Variants in ELFN1 observed in about 807,000 individuals in gnomAD.
ELFN1 encodes extracellular leucine rich repeat and fibronectin type III domain containing 1.
ELFN1 carries 6 observed loss-of-function variants against 7.6 expected under a neutral mutation model. The observed-to-expected ratio is 0.79, with a 90% CI of 0.43 to 1.56. ELFN1 has a LOEUF of 1.56. Among genes scored for constraint, ELFN1 ranks in the 40% most tolerant of loss-of-function variants. ELFN1 has a pLI of 0.01. For synonymous variants in ELFN1, 657 were observed against 588.1 expected (o/e 1.12, Z -1.70); for missense variants, 1,169 against 1,232.2 (o/e 0.95, Z 0.77).
At chr7:1,679,385 G>C (rs1019172342) in intron 1 of ELFN1, among the ~76,000 whole-genome samples, 1 of 152,182 alleles carries the variant, frequency 6.6e-6, no homozygotes, top group Non-Finnish European at 1.5e-5. Context: ...AAGCCTGGGG[G>C]TGCCTGGCCT....
intron 1 of ELFN1, among the ~76,000 whole-genome samples, chr7:1,682,099 T>TCC (rs1778984609): frequency 6.6e-6 from 1 of 152,222 alleles, no homozygotes; most frequent in Non-Finnish European, 1.5e-5. Flanking sequence ...AGCACAGACA[T>TCC]TTTTTAACTT....
upstream of ELFN1, among the ~76,000 whole-genome samples, chr7:1,666,413 G>C (rs1351166249): frequency 1.3e-5 from 2 of 151,830 alleles, no homozygotes; most frequent in African/African-American, 4.8e-5. This position sits in a 1 kb window ranked among gnomAD's most constrained non-coding sequence, Gnocchi z 7.9. Flanking sequence ...CTCTGGATGC[G>C]GCGCTCGGGG....
intron 3 of ELFN1, among the ~76,000 whole-genome samples, chr7:1,719,233 C>A (rs1201002118): frequency 6.8e-6 from 1 of 146,622 alleles, no homozygotes; most frequent in Non-Finnish European, 1.5e-5. Flanking sequence ...AGGACCCAAG[C>A]CACCAACAGG....
At chr7:1,726,441 C>T (rs1011696448) in intron 3 of ELFN1, among the ~76,000 whole-genome samples, 10 of 152,238 alleles carry the variant, frequency 6.6e-5, no homozygotes, top group Non-Finnish European at 1.5e-4. Context: ...GCTGGCGGCA[C>T]GCTCAGCCCA....
At chr7:1,715,263 G>A (rs188592756) in intron 3 of ELFN1, among the ~76,000 whole-genome samples, 3 of 152,258 alleles carry the variant, frequency 2.0e-5, no homozygotes, top group Non-Finnish European at 4.4e-5. Flanking sequence ...ACCTTGTCCT[G>A]GTGGTATTCA....
chr7:1,682,746 G>A (rs1778995701), intron 1 of ELFN1, among the ~76,000 whole-genome samples: 1 of 151,642 alleles, frequency 6.6e-6, no homozygotes, highest in South Asian at 2.1e-4. Flanking sequence ...TGCACTAACT[G>A]GAACTTTCAG....
At chr7:1,722,242 C>T (rs1245853553) in intron 3 of ELFN1, among the ~76,000 whole-genome samples, 3 of 151,326 alleles carry the variant, frequency 2.0e-5, no homozygotes, top group Non-Finnish European at 2.9e-5. Flanking sequence ...GTCATCCTCA[C>T]AGCTAGCCCA....
intron 1 of ELFN1, among the ~76,000 whole-genome samples, chr7:1,675,708 G>C (rs138182127): frequency 6.6e-6 from 1 of 152,328 alleles, no homozygotes; most frequent in South Asian, 2.1e-4. Context: ...GCAGGGAGAG[G>C]GCTTTGCAGA....
chr7:1,704,937 G>A (rs77184524), intron 2 of ELFN1, among the ~76,000 whole-genome samples: 21,978 of 152,114 alleles, frequency 0.14, 1,816 homozygotes, highest in African/African-American at 0.22. Flanking sequence ...GCGTGTCCCC[G>A]TCAGAATGTG....
chr7:1,708,016 C>G (rs1023808980), intron 2 of ELFN1, among the ~76,000 whole-genome samples: 28 of 152,192 alleles, frequency 1.8e-4, no homozygotes, highest in African/African-American at 5.8e-4. Flanking sequence ...ACCAACCCCC[C>G]GCCTCTGCAC....
intron 1 of ELFN1, among the ~76,000 whole-genome samples, chr7:1,676,011 A>G (rs748069454): frequency 1.3e-5 from 2 of 152,196 alleles, no homozygotes; most frequent in East Asian, 1.9e-4. Context: ...TGGCCCCCGC[A>G]CTGGTCAGAG....
At chr7:1,718,643 G>A (rs867267370) in intron 3 of ELFN1, among the ~76,000 whole-genome samples, 3 of 152,272 alleles carry the variant, frequency 2.0e-5, no homozygotes, top group South Asian at 2.1e-4. Context: ...ACAGTAGGGC[G>A]GACCAGGATG....
chr7:1,726,426 C>T (rs1486442434), intron 3 of ELFN1, among the ~76,000 whole-genome samples: 1 of 152,262 alleles, frequency 6.6e-6, no homozygotes, highest in Non-Finnish European at 1.5e-5. Flanking sequence ...CCCGCTCAGA[C>T]ATATGCTGGC....
upstream of ELFN1, among the ~76,000 whole-genome samples, chr7:1,670,160 A>AGGGAGGGAGGGAAGGG (rs1778734480): frequency 5.8e-5 from 1 of 17,254 alleles, no homozygotes; most frequent in Non-Finnish European, 1.1e-4. This position sits in a 1 kb window ranked among gnomAD's most constrained non-coding sequence, Gnocchi z 6.4. Flanking sequence ...AGAAGGAGGG[A>AGGGAGGGAGGGAAGGG]GGGAGGGAGG....
At chr7:1,703,745 T>TG (rs1779474721) in intron 2 of ELFN1, among the ~76,000 whole-genome samples, 1 of 152,228 alleles carries the variant, frequency 6.6e-6, no homozygotes, top group African/African-American at 2.4e-5. Flanking sequence ...ACAATCCTAC[T>TG]GGCAGCCTCT....
chr7:1,671,658 T>C (rs1232073559), intron 1 of ELFN1, among the ~76,000 whole-genome samples: 3 of 152,248 alleles, frequency 2.0e-5, no homozygotes, highest in African/African-American at 7.2e-5. Flanking sequence ...GGGTTGGGCA[T>C]AGGTTGCTTG....
intron 1 of ELFN1, among the ~76,000 whole-genome samples, chr7:1,684,967 A>C (rs1779038743): frequency 6.6e-6 from 1 of 152,314 alleles, no homozygotes; most frequent in East Asian, 1.9e-4. Flanking sequence ...CTTTCTGTGA[A>C]TTTGAATTAC....
At chr7:1,743,178 G>A (rs1302933502) in intron 3 of ELFN1, among the ~76,000 whole-genome samples, 4 of 152,124 alleles carry the variant, frequency 2.6e-5, no homozygotes, top group Non-Finnish European at 5.9e-5. Context: ...TTCCTGCCTG[G>A]GGCTTCCCCG....
chr7:1,720,412 T>C (rs1583365913), intron 3 of ELFN1, among the ~76,000 whole-genome samples: 1 of 152,170 alleles, frequency 6.6e-6, no homozygotes, highest in Admixed American at 6.5e-5. Flanking sequence ...GGCAGCCAGC[T>C]ATGCCCCAAC....
Sources: allele counts gnomAD v4.1 joint callset (sites outside exome capture counted in the v4.1 genomes callset), GRCh38; gene constraint gnomAD v4.1.1; non-coding constraint Gnocchi (gnomAD v3.1); transcripts MANE v1.5; gene names NCBI Gene and HGNC (gene_info 2026-07-23, HGNC 2026-07-21).